ATP8A1: variants seen among roughly 807,000 people sequenced by gnomAD.
The protein encoded by ATP8A1 is phospholipid-transporting ATPase IA.
ATP8A1 carries 90 observed loss-of-function variants against 177.7 expected under a neutral mutation model. The observed-to-expected ratio is 0.51, with a 90% confidence interval of 0.43 to 0.60. The LOEUF is 0.60. Among genes scored for constraint, ATP8A1 ranks in the 20% least tolerant of loss-of-function variants. ATP8A1 has a pLI of 0.00. For missense variants in ATP8A1, 1,072 were observed against 1,392.8 expected, an observed-to-expected ratio of 0.77 and a Z score of 3.67; for synonymous variants, 493 against 485.9, an observed-to-expected ratio of 1.01 and a Z score of -0.19.
At chr4:42,587,848 T>A (rs1364246185) in intron 8 of ATP8A1, among the ~76,000 whole-genome samples, 1 of 152,098 alleles carries the variant, frequency 6.6e-6, no homozygotes, top group Non-Finnish European at 1.5e-5. Context: ...GACCTTGTGA[T>A]TCACCTGCCT....
At chr4:42,572,989 T>C (rs975324307) in intron 14 of ATP8A1, among the ~76,000 whole-genome samples, 3 of 152,172 alleles carry the variant, frequency 2.0e-5, no homozygotes, top group African/African-American at 7.2e-5. Context: ...ACCCACCCTA[T>C]AACAGTTGTT....
At chr4:42,550,777 G>A (rs547607979) in intron 18 of ATP8A1, among the ~76,000 whole-genome samples, 1 of 152,118 alleles carries the variant, frequency 6.6e-6, no homozygotes, top group Non-Finnish European at 1.5e-5. Context: ...GACTAACAAT[G>A]TTTTTTCACA....
intron 6 of ATP8A1, among the ~76,000 whole-genome samples, chr4:42,592,833 G>T (rs1218859277): frequency 3.9e-5 from 6 of 152,060 alleles, no homozygotes; most frequent in African/African-American, 4.8e-5. Flanking sequence ...TGTGCAATAG[G>T]AATTTTTCTG....
chr4:42,452,300 A>C (rs12504802), intron 29 of ATP8A1, among the ~76,000 whole-genome samples: 23,334 of 152,146 alleles, frequency 0.15, 2,218 homozygotes, highest in South Asian at 0.24. Flanking sequence ...CTTCTCAAAA[A>C]CCAAATTTAA....
At chr4:42,539,830 C>G (rs1163630837) in intron 20 of ATP8A1, among the ~76,000 whole-genome samples, 1 of 152,030 alleles carries the variant, frequency 6.6e-6, no homozygotes, top group Admixed American at 6.6e-5. Context: ...ACATAAGACT[C>G]AAACTTTTAA....
chr4:42,631,125 G>A (rs1398630406), intron 1 of ATP8A1, among the ~76,000 whole-genome samples: 2 of 152,182 alleles, frequency 1.3e-5, no homozygotes, highest in Non-Finnish European at 2.9e-5. Flanking sequence ...GTTAGAGGTT[G>A]AAGAATGTTT....
chr4:42,414,990 T>G, intron 35 of ATP8A1: 1 of 390,442 alleles, frequency 2.6e-6, no homozygotes, highest in Non-Finnish European at 4.7e-6. Context: ...CCCACTCAGT[T>G]ATATTTAAGT....
At position 42,574,441 on chromosome 4, in the gene ATP8A1, A is replaced by G. The variant is rs578128904; in HGVS notation, c.1295+178T>C. Among the ~76,000 whole-genome samples the G allele has an allele frequency of 4.6e-5, 7 of 152,302 alleles. No homozygotes were observed. In the East Asian group the frequency reaches 1.3e-3, roughly 29 times the overall value. On this transcript the variant is annotated intron_variant, in intron 14 of 36. Coordinates refer to ENST00000381668, the MANE Select transcript of ATP8A1 (RefSeq NM_006095.2). ...CCACCTCATGTCATCCCAAATGAAA[A>G]CAATGCTAAACTAGAAACGCGAAAT...
intron 15 of ATP8A1, among the ~76,000 whole-genome samples, chr4:42,557,728 C>T (rs1243259672): frequency 6.6e-6 from 1 of 152,090 alleles, no homozygotes; most frequent in Admixed American, 6.5e-5. Flanking sequence ...AAAGTGACTT[C>T]CTTCCCAAGA....
At chr4:42,604,014 T>C (rs1308427146) in intron 5 of ATP8A1, among the ~76,000 whole-genome samples, 1 of 152,178 alleles carries the variant, frequency 6.6e-6, no homozygotes, top group Admixed American at 6.5e-5. Flanking sequence ...CTTGCCTCTT[T>C]CCTGTCATCA....
chr4:42,449,025 G>A (rs545595242), intron 30 of ATP8A1, among the ~76,000 whole-genome samples: 2 of 151,420 alleles, frequency 1.3e-5, no homozygotes, highest in South Asian at 2.1e-4. Flanking sequence ...TAGTAGAGAC[G>A]GAGTTTTGCC....
intron 19 of ATP8A1, among the ~76,000 whole-genome samples, chr4:42,547,461 G>T (rs1170133570): frequency 6.6e-6 from 1 of 152,106 alleles, no homozygotes; most frequent in Non-Finnish European, 1.5e-5. Flanking sequence ...AGTCCTGAAA[G>T]AACAGAAACT....
chr4:42,419,746 G>A (rs766714648), intron 35 of ATP8A1, among the ~76,000 whole-genome samples: 2 of 152,250 alleles, frequency 1.3e-5, no homozygotes, highest in Non-Finnish European at 2.9e-5. Context: ...GCCCACGCCT[G>A]TAATCCCAGC....
intron 14 of ATP8A1, among the ~76,000 whole-genome samples, chr4:42,569,486 T>C (rs948417708): frequency 1.3e-5 from 2 of 152,154 alleles, no homozygotes; most frequent in Non-Finnish European, 2.9e-5. Flanking sequence ...CATAATTCAG[T>C]AGGAATTATT....
At chr4:42,613,635 G>A (rs765535919) in intron 5 of ATP8A1, among the ~76,000 whole-genome samples, 1 of 152,036 alleles carries the variant, frequency 6.6e-6, no homozygotes, top group Non-Finnish European at 1.5e-5. Context: ...CCAGGCTGGA[G>A]TGCAGTGGCG....
Position 42,574,648 on chromosome 4 carries a change from C to T in ATP8A1, c.1266G>A (p.Lys422=), listed in dbSNP as rs952748081. 1 of 1,610,044 alleles carries T rather than the reference C, an allele frequency of 6.2e-7. No individual in the cohort carries two copies. Among genetic ancestry groups the T allele is most frequent in the South Asian group, 1.1e-5 (1 of 89,576 alleles). Residue 422 remains lysine, a synonymous_variant, in exon 14 of 37, where the codon AAG becomes AAA. Transcript: ENST00000381668. The part of the protein sequence containing the change: ...GTLTCNVMQF[K]KCTIAGVAYG... ...AAGCAACTCCCGCTATGGTGCACTT[C>T]TTAAACTGCATTACATTGCATGTCA...
Position 42,625,726 on chromosome 4 carries a change from A to C in ATP8A1, c.165-13T>G. ...GTATTTTGCAGTGCTAGAAAACAAA[A>C]ATGAAAAGTAGCATAAAACTTCTCC... On this transcript the variant is annotated splice_polypyrimidine_tract_variant and intron_variant, in intron 2 of 36. Transcript: ENST00000381668. The C allele has an allele frequency of 6.6e-7, 1 of 1,523,666 alleles. No individual in the cohort carries two copies. The highest frequency in any genetic ancestry group is 9.0e-7 in the Non-Finnish European group (1 of 1,111,988). 94.4% of individuals were successfully genotyped at this position (1,523,666 alleles called of 1,614,324 possible). A position where few individuals can be genotyped will look rare whatever the true frequency, so the allele number is the denominator to read the frequency against.
chr4:42,448,828 GTTTTTTTTTT>G (rs55946444), intron 30 of ATP8A1, among the ~76,000 whole-genome samples: 13 of 84,234 alleles, frequency 1.5e-4, no homozygotes, highest in African/African-American at 5.4e-4. Context: ...TGTACTTTGC[GTTTTTTTTTT>G]TTTTTTTTTT....
At chr4:42,569,381 T>C (rs1258477896) in intron 14 of ATP8A1, among the ~76,000 whole-genome samples, 176 bp from the exon 15 acceptor site, 1 of 152,212 alleles carries the variant, frequency 6.6e-6, no homozygotes, top group Non-Finnish European at 1.5e-5. Flanking sequence ...AACATAATGA[T>C]TCATGGTAGC....
Sources: allele counts gnomAD v4.1 joint callset (sites outside exome capture counted in the v4.1 genomes callset), GRCh38; gene constraint gnomAD v4.1.1; transcripts MANE v1.5; gene names NCBI Gene and HGNC (gene_info 2026-07-23, HGNC 2026-07-21).